The following NAALADL2 variants were observed in gnomAD, a reference collection of about 807,000 sequenced individuals.
NAALADL2 encodes inactive N-acetylated-alpha-linked acidic dipeptidase-like protein 2.
Under a neutral mutation model 87.2 loss-of-function variants are expected in NAALADL2, and 76 were observed. The observed-to-expected ratio is 0.87, with a 90% CI of 0.72 to 1.05. NAALADL2 has a LOEUF of 1.05. Ranked by LOEUF, NAALADL2 falls within the 50% of genes least tolerant of loss-of-function variation. The pLI, the probability that NAALADL2 is intolerant of heterozygous loss-of-function variation, is 0.00. For missense variants in NAALADL2, 1,089 were observed against 945.8 expected (o/e 1.15, Z -1.99); for synonymous variants, 354 against 331.0 (o/e 1.07, Z -0.75).
intron 1 of NAALADL2, among the ~76,000 whole-genome samples, chr3:174,956,010 G>C (rs1456669530): frequency 6.6e-6 from 1 of 152,056 alleles, no homozygotes; most frequent in African/African-American, 2.4e-5. Flanking sequence ...AAGTCAATCA[G>C]TTTCTTGGAG....
At chr3:175,554,536 T>C (rs1714948872) in intron 9 of NAALADL2, among the ~76,000 whole-genome samples, 1 of 152,096 alleles carries the variant, frequency 6.6e-6, no homozygotes, top group Admixed American at 6.6e-5. Flanking sequence ...AATGATATAG[T>C]CAGTATCTTT....
intron 10 of NAALADL2, among the ~76,000 whole-genome samples, chr3:175,583,166 ATTAT>A (rs1720028066): frequency 6.6e-6 from 1 of 152,210 alleles, no homozygotes; most frequent in Non-Finnish European, 1.5e-5. Flanking sequence ...TCAACAGCTT[ATTAT>A]AAAATAGACT....
intron 1 of NAALADL2, among the ~76,000 whole-genome samples, chr3:175,038,276 G>A (rs1387572481): frequency 1.3e-5 from 2 of 152,028 alleles, no homozygotes; most frequent in East Asian, 1.9e-4. Context: ...GATCAGTAAT[G>A]TTGCCTACAT....
At chr3:174,783,137 A>G (rs1716197802) in intron 3 of NAALADL2, among the ~76,000 whole-genome samples, 1 of 152,172 alleles carries the variant, frequency 6.6e-6, no homozygotes, top group South Asian at 2.1e-4. Flanking sequence ...TTCATTTTCC[A>G]TCCATATTTA....
intron 5 of NAALADL2, among the ~76,000 whole-genome samples, chr3:175,390,122 TA>T (rs1305018560): frequency 9.4e-5 from 14 of 148,266 alleles, no homozygotes; most frequent in East Asian, 2.0e-4. Flanking sequence ...ACTTCCACTG[TA>T]AAAAAAAAAT....
At chr3:174,829,140 G>C (rs1173124129) in intron 3 of NAALADL2, among the ~76,000 whole-genome samples, 5 of 151,470 alleles carry the variant, frequency 3.3e-5, no homozygotes. Context: ...TATACTTTAG[G>C]TTTTAGGGTA....
chr3:175,483,520 T>G (rs1167888825), intron 9 of NAALADL2, among the ~76,000 whole-genome samples: 2 of 152,038 alleles, frequency 1.3e-5, no homozygotes, highest in Non-Finnish European at 2.9e-5. Flanking sequence ...TTAATATTTT[T>G]TTTGTAACTG....
chr3:175,685,449 GGTGTGTGTGTGTGTGTGT>G (rs59449046), intron 11 of NAALADL2, among the ~76,000 whole-genome samples: 1 of 144,586 alleles, frequency 6.9e-6, no homozygotes, highest in African/African-American at 2.5e-5. Context: ...ACCAACAGGA[GGTGTGTGTGTGTGTGTGT>G]GTGTGTGTGT....
At chr3:174,884,851 C>T (rs1729872526) in intron 1 of NAALADL2, among the ~76,000 whole-genome samples, 1 of 152,072 alleles carries the variant, frequency 6.6e-6, no homozygotes, top group African/African-American at 2.4e-5. Flanking sequence ...TCTCTAGGGG[C>T]CCGCCAGGAA....
At chr3:175,506,504 C>A (rs1031615771) in intron 9 of NAALADL2, among the ~76,000 whole-genome samples, 4 of 152,136 alleles carry the variant, frequency 2.6e-5, no homozygotes, top group Non-Finnish European at 5.9e-5. Context: ...TATACACTTG[C>A]TGTGAAAAAT....
chr3:175,240,622 A>T (rs1292258990), intron 3 of NAALADL2, among the ~76,000 whole-genome samples: 3 of 152,148 alleles, frequency 2.0e-5, no homozygotes, highest in Non-Finnish European at 4.4e-5. Flanking sequence ...TGTCTCACCA[A>T]CACAGAAATG....
intron 11 of NAALADL2, among the ~76,000 whole-genome samples, chr3:175,666,599 C>T (rs1054181295): frequency 1.3e-5 from 2 of 152,136 alleles, no homozygotes; most frequent in Non-Finnish European, 2.9e-5. Context: ...CATTATTATG[C>T]ACGATGAGCC....
intron 3 of NAALADL2, among the ~76,000 whole-genome samples, chr3:174,750,059 G>A (rs758334015): frequency 3.9e-5 from 6 of 151,964 alleles, no homozygotes; most frequent in African/African-American, 7.2e-5. Flanking sequence ...TCTTTCCACC[G>A]TGTCTCCAGT....
intron 9 of NAALADL2, among the ~76,000 whole-genome samples, chr3:175,540,735 A>G (rs765020033): frequency 2.6e-5 from 4 of 152,084 alleles, no homozygotes; most frequent in Non-Finnish European, 5.9e-5. Context: ...GATCCAAAAT[A>G]CTAGTGAAAG....
intron 2 of NAALADL2, among the ~76,000 whole-genome samples, chr3:174,709,258 T>A (rs1041875426): frequency 2.6e-5 from 4 of 152,128 alleles, no homozygotes; most frequent in Non-Finnish European, 5.9e-5. Context: ...AGTTGGTAGT[T>A]GAATATGGCT....
intron 5 of NAALADL2, among the ~76,000 whole-genome samples, chr3:175,380,743 AT>A (rs1767688819): frequency 6.6e-6 from 1 of 152,138 alleles, no homozygotes; most frequent in South Asian, 2.1e-4. Context: ...TGCAAAAAAT[AT>A]ACTGTCTGAA....
At chr3:175,786,967 T>A (rs546395259) in intron 13 of NAALADL2, among the ~76,000 whole-genome samples, 2 of 152,186 alleles carry the variant, frequency 1.3e-5, no homozygotes, top group South Asian at 4.1e-4. Flanking sequence ...TGGAATACCC[T>A]GCCATGTGAG....
intron 1 of NAALADL2, among the ~76,000 whole-genome samples, chr3:175,063,390 CAT>C (rs1419932041): frequency 6.6e-6 from 1 of 151,936 alleles, no homozygotes; most frequent in East Asian, 1.9e-4. Context: ...TCCTTCGAAA[CAT>C]AGACTGGTCC....
rs1447843148 is a variant in NAALADL2 at position 175,096,056 on chromosome 3, C to T, written c.44-734C>T. Among the ~76,000 whole-genome samples the T allele has an allele frequency of 2.6e-5, 4 of 152,082 alleles. No individual in the cohort carries two copies. In the East Asian group the frequency reaches 7.7e-4, roughly 29 times the overall value. On this transcript the variant is annotated intron_variant, in intron 1 of 13. Transcript: ENST00000454872. ...CAAACTCTCCTAGGCTGGCAAAAGG[C>T]TTTCCTCTTTGGATTGATGCCATCC...
Sources: gnomAD v4.1 joint callset for allele counts (sites outside exome capture counted in the v4.1 genomes callset) on GRCh38, gnomAD v4.1.1 for gene constraint, MANE v1.5 for transcripts, NCBI Gene and HGNC (gene_info 2026-07-23, HGNC 2026-07-21) for gene names.